Variants in CSTPP1 observed in about 807,000 individuals in gnomAD.
The protein encoded by CSTPP1 is centriolar satellite-associated tubulin polyglutamylase complex regulator 1.
At chr11:46,977,158 T>C in the CSTPP1 span, among the ~76,000 whole-genome samples, 2 of 152,228 alleles carry the variant, frequency 1.3e-5, no homozygotes, top group South Asian at 4.1e-4. Context: ...TGGTAGTACA[T>C]GGCTTGCATT....
At chr11:47,015,021 G>T in the CSTPP1 span, among the ~76,000 whole-genome samples, 1 of 152,072 alleles carries the variant, frequency 6.6e-6, no homozygotes, top group Non-Finnish European at 1.5e-5. Flanking sequence ...TATCAGGAAC[G>T]AGAGAGATAC....
At chr11:47,118,931 G>A in the CSTPP1 span, among the ~76,000 whole-genome samples, 3 of 152,248 alleles carry the variant, frequency 2.0e-5, no homozygotes, top group Non-Finnish European at 4.4e-5. Context: ...CACTTGAGGA[G>A]GCAGTCTGTC....
chr11:47,035,900 A>T, the CSTPP1 span, among the ~76,000 whole-genome samples: 1 of 151,202 alleles, frequency 6.6e-6, no homozygotes, highest in Admixed American at 6.6e-5. Flanking sequence ...ACACAGTTCA[A>T]ATCCATGCTG....
At chr11:46,957,024 G>T in the CSTPP1 span, among the ~76,000 whole-genome samples, 2 of 150,764 alleles carry the variant, frequency 1.3e-5, no homozygotes, top group Admixed American at 1.3e-4. Context: ...TCATTTTCCT[G>T]CAATTAATAA....
chr11:47,164,040 G>T, the CSTPP1 span: 1 of 1,556,030 alleles, frequency 6.4e-7, no homozygotes, highest in Non-Finnish European at 8.7e-7. Flanking sequence ...CTCGCCCTCA[G>T]CCAGCGAGTT....
chr11:47,115,259 G>T, the CSTPP1 span, among the ~76,000 whole-genome samples: 1 of 152,174 alleles, frequency 6.6e-6, no homozygotes, highest in East Asian at 1.9e-4. Flanking sequence ...TTTTTGCATT[G>T]AAGTTCATCA....
chr11:46,949,435 G>A, the CSTPP1 span, among the ~76,000 whole-genome samples: 25 of 152,266 alleles, frequency 1.6e-4, no homozygotes, highest in African/African-American at 5.8e-4. Context: ...AGGGAGAACA[G>A]CCTTGCCTTT....
At chr11:47,059,245 C>G in the CSTPP1 span, among the ~76,000 whole-genome samples, 2 of 152,118 alleles carry the variant, frequency 1.3e-5, no homozygotes, top group Admixed American at 1.3e-4. Context: ...ATAGTTGCAG[C>G]AAACCACCAT....
At chr11:46,940,139 C>T in the CSTPP1 span, among the ~76,000 whole-genome samples, 4 of 152,184 alleles carry the variant, frequency 2.6e-5, no homozygotes, top group African/African-American at 4.8e-5. Context: ...TCCCAAAGTC[C>T]TGGGATTATA....
chr11:47,035,930 T>C, the CSTPP1 span, among the ~76,000 whole-genome samples: 2 of 150,236 alleles, frequency 1.3e-5, no homozygotes, highest in Non-Finnish European at 2.9e-5. Context: ...CAACTGTATA[T>C]ACATGTATCT....
At chr11:47,159,260 A>G in the CSTPP1 span, among the ~76,000 whole-genome samples, 2 of 152,220 alleles carry the variant, frequency 1.3e-5, no homozygotes, top group African/African-American at 4.8e-5. Context: ...CTGTAATCCC[A>G]GCACTTTGGG....
chr11:47,016,390 C>CAAAAAAAAAAAAAA, the CSTPP1 span, among the ~76,000 whole-genome samples: 85 of 125,720 alleles, frequency 6.8e-4, no homozygotes, highest in East Asian at 1.1e-3. Flanking sequence ...ATGGAATCTA[C>CAAAAAAAAAAAAAA]AAAAAACAAA....
the CSTPP1 span, among the ~76,000 whole-genome samples, chr11:47,087,526 C>G: frequency 6.6e-6 from 1 of 152,120 alleles, no homozygotes; most frequent in Non-Finnish European, 1.5e-5. Context: ...TGGTGAAACC[C>G]CATCTCTACT....
the CSTPP1 span, chr11:47,156,913 A>T: frequency 8.9e-7 from 1 of 1,123,258 alleles, no homozygotes; most frequent in Non-Finnish European, 1.3e-6. Context: ...CTGAGCACTG[A>T]GGCTGGTGTG....
the CSTPP1 span, among the ~76,000 whole-genome samples, chr11:46,952,915 C>A: frequency 2.0e-5 from 3 of 152,144 alleles, no homozygotes; most frequent in Admixed American, 6.5e-5. Context: ...GAGTTAGAGA[C>A]CCATTGTAGA....
the CSTPP1 span, among the ~76,000 whole-genome samples, chr11:46,950,453 A>C: frequency 6.6e-6 from 1 of 151,990 alleles, no homozygotes; most frequent in Non-Finnish European, 1.5e-5. Context: ...GATTACAGGC[A>C]TGAGCCACCG....
the CSTPP1 span, chr11:46,987,989 A>G: frequency 6.6e-6 from 1 of 152,274 alleles, no homozygotes; most frequent in Admixed American, 6.5e-5. Flanking sequence ...CATCAGAGAA[A>G]TGCAAATCAA....
At chr11:47,043,759 A>G in the CSTPP1 span, among the ~76,000 whole-genome samples, 1 of 151,096 alleles carries the variant, frequency 6.6e-6, no homozygotes, top group Admixed American at 6.6e-5. Flanking sequence ...TCAGAGGCCA[A>G]AGTGGGTGGA....
chr11:46,973,241 C>T, the CSTPP1 span, among the ~76,000 whole-genome samples: 9 of 152,106 alleles, frequency 5.9e-5, no homozygotes, highest in African/African-American at 2.2e-4. Flanking sequence ...TCCTAGCATG[C>T]GCTAACCTAG....
Sources: allele counts gnomAD v4.1 joint callset (sites outside exome capture counted in the v4.1 genomes callset), GRCh38; gene constraint gnomAD v4.1.1; transcripts MANE v1.5; gene names NCBI Gene and HGNC (gene_info 2026-07-23, HGNC 2026-07-21).